OPCML: variants seen among roughly 807,000 people sequenced by gnomAD.
OPCML encodes the protein opioid binding protein/cell adhesion molecule like.
In OPCML, 13 loss-of-function variants were observed where a neutral mutation model predicts 37.8. The observed-to-expected ratio is 0.34, with a 90% confidence interval of 0.22 to 0.55. The LOEUF is 0.55. Ranked by LOEUF, OPCML falls within the 20% of genes least tolerant of loss-of-function variation. The pLI is 0.91. For missense variants in OPCML, 341 were observed against 435.6 expected, an observed-to-expected ratio of 0.78 and a Z score of 1.93; for synonymous variants, 176 against 168.8, an observed-to-expected ratio of 1.04 and a Z score of -0.33.
At chr11:132,822,779 C>A (rs1228561986) in intron 2 of OPCML, among the ~76,000 whole-genome samples, 1 of 152,154 alleles carries the variant, frequency 6.6e-6, no homozygotes, top group Non-Finnish European at 1.5e-5. Context: ...ACCTGAGGAG[C>A]AGCTCAGCAT....
chr11:133,178,277 G>A lies in OPCML; in HGVS notation c.62-235267C>T, dbSNP rs1592077008. ...CTCATGGTTCAGGCAAAGGTCAGAG[G>A]GTGTGAGTACCACTGTGTGTGCGTT... On this transcript the variant is annotated intron_variant, in intron 1 of 7. Transcript: ENST00000524381. Among the ~76,000 whole-genome samples the A allele has an allele frequency of 2.0e-5, 3 of 152,022 alleles. No individual in the cohort carries two copies. The South Asian group carries it at 6.2e-4, about 32-fold the overall frequency.
At chr11:133,379,795 C>A (rs542841159) in intron 1 of OPCML, among the ~76,000 whole-genome samples, 5 of 152,294 alleles carry the variant, frequency 3.3e-5, no homozygotes, top group African/African-American at 9.6e-5. Context: ...CCACAGTGTA[C>A]AATAACATTA....
At position 132,569,930 on chromosome 11, in the gene OPCML, A is replaced by T. The variant is rs114544611; in HGVS notation, c.380-40744T>A. On this transcript the variant is annotated intron_variant, in intron 3 of 7. Coordinates refer to ENST00000524381, the MANE Select transcript of OPCML (RefSeq NM_001012393.5). ...CAAATTTCACCACCCAGAGGCCTTG[A>T]TCCTAAATGATGCATTCAGTGAAAA... Among the ~76,000 whole-genome samples, 885 of 151,926 alleles carry T rather than the reference A, an allele frequency of 5.8e-3. 11 individuals are homozygous for T. Among genetic ancestry groups the T allele is most frequent in the African/African-American group, 0.02 (822 of 41,448 alleles).
chr11:132,852,301 T>G (rs965723430), intron 2 of OPCML, among the ~76,000 whole-genome samples: 1 of 152,194 alleles, frequency 6.6e-6, no homozygotes, highest in African/African-American at 2.4e-5. Flanking sequence ...TTTCTCCGTT[T>G]GATCTCATTT....
chr11:132,891,071 T>C (rs1943628450), intron 2 of OPCML, among the ~76,000 whole-genome samples: 1 of 152,116 alleles, frequency 6.6e-6, no homozygotes, highest in African/African-American at 2.4e-5. Context: ...CAAAGTTATT[T>C]ACCTTAAGAG....
intron 4 of OPCML, among the ~76,000 whole-genome samples, chr11:132,459,283 G>C (rs994477153): frequency 2.0e-5 from 3 of 151,876 alleles, no homozygotes; most frequent in Non-Finnish European, 4.4e-5. Flanking sequence ...CAGGCCTTTG[G>C]ACTCCAACTG....
intron 1 of OPCML, chr11:133,360,018 G>A (rs971408528): frequency 3.3e-5 from 5 of 152,150 alleles, no homozygotes; most frequent in African/African-American, 1.2e-4. Flanking sequence ...AATGAACACG[G>A]ATCCCAAGAT....
intron 2 of OPCML, among the ~76,000 whole-genome samples, chr11:132,732,686 A>C (rs938320273): frequency 6.6e-6 from 1 of 152,190 alleles, no homozygotes; most frequent in Admixed American, 6.5e-5. Flanking sequence ...ACCTGAAAGA[A>C]AGGCCCCAAA....
At chr11:132,722,492 A>G (rs1944709720) in intron 2 of OPCML, among the ~76,000 whole-genome samples, 1 of 152,152 alleles carries the variant, frequency 6.6e-6, no homozygotes, top group Admixed American at 6.5e-5. Context: ...TCTGCACTCC[A>G]GGGAGAGCCA....
At chr11:132,568,864 T>C (rs985418590) in intron 3 of OPCML, among the ~76,000 whole-genome samples, 6 of 152,216 alleles carry the variant, frequency 3.9e-5, no homozygotes, top group African/African-American at 1.4e-4. Flanking sequence ...TGTATGTTCC[T>C]TGAAAAAATA....
chr11:133,443,234 G>T (rs1392458290), intron 1 of OPCML, among the ~76,000 whole-genome samples: 1 of 152,146 alleles, frequency 6.6e-6, no homozygotes, highest in Non-Finnish European at 1.5e-5. Context: ...GCTTGAAAGA[G>T]CCCCAACCAA....
chr11:133,205,131 G>C lies in OPCML; in HGVS notation c.62-262121C>G, dbSNP rs1378885433. 6.6e-6 allele frequency among the ~76,000 whole-genome samples: 1 copy of C among 151,850 alleles called. No homozygotes were observed. Among genetic ancestry groups the C allele is most frequent in the Non-Finnish European group, 1.5e-5 (1 of 67,972 alleles). ...CCCTCTTCTTCCTGGGAGGGGAGATGAGGTGAAGGTTGAGTTGCTCACCAA... is the reference window on the plus strand; with the variant it reads ...CCCTCTTCTTCCTGGGAGGGGAGATCAGGTGAAGGTTGAGTTGCTCACCAA... On this transcript the variant is annotated intron_variant, in intron 1 of 7. Transcript: ENST00000524381. The surrounding 1 kb of genome is among the most constrained non-coding windows in gnomAD (Gnocchi z 4.8).
Position 132,943,231 on chromosome 11 carries a change from A to G in OPCML, c.62-221T>C. The G allele has an allele frequency of 7.6e-7, 1 of 1,308,408 alleles. No individual in the cohort carries two copies. The highest frequency in any genetic ancestry group is 1.5e-5 in the African/African-American group (1 of 67,800). 81.0% of individuals were successfully genotyped at this position (1,308,408 alleles called of 1,614,324 possible). Reference sequence around the variant, plus strand: ...CCAGGAGCAGGGGGAAGGAGAAGAGAGGAGTCCGGGCTCTCCGGAGTCTGA... The same window carrying G: ...CCAGGAGCAGGGGGAAGGAGAAGAGGGGAGTCCGGGCTCTCCGGAGTCTGA... On this transcript the variant is annotated intron_variant, in intron 1 of 7. Coordinates refer to ENST00000524381, the MANE Select transcript of OPCML (RefSeq NM_001012393.5). The surrounding 1 kb of genome is among the most constrained non-coding windows in gnomAD (Gnocchi z 4.3).
At chr11:132,522,202 G>T (rs979052342) in intron 4 of OPCML, among the ~76,000 whole-genome samples, 1 of 152,126 alleles carries the variant, frequency 6.6e-6, no homozygotes, top group Non-Finnish European at 1.5e-5. Context: ...TGGTGTGATT[G>T]TACCACAGTT....
chr11:132,744,882 G>A (rs1279975535), intron 2 of OPCML, among the ~76,000 whole-genome samples: 5 of 152,224 alleles, frequency 3.3e-5, no homozygotes, highest in Non-Finnish European at 7.3e-5. Flanking sequence ...CAACATTCAC[G>A]AGCAAGCTCG....
At chr11:133,367,034 T>C (rs1332487436) in intron 1 of OPCML, among the ~76,000 whole-genome samples, 3 of 152,128 alleles carry the variant, frequency 2.0e-5, no homozygotes, top group East Asian at 3.9e-4. Context: ...TGGAGTGCAG[T>C]GGTGCGGTGT....
chr11:133,312,634 G>T (rs1943092176), intron 1 of OPCML, among the ~76,000 whole-genome samples: 1 of 152,166 alleles, frequency 6.6e-6, no homozygotes, highest in Non-Finnish European at 1.5e-5. Context: ...AAAGTGTATT[G>T]TCTCAAGATT....
intron 4 of OPCML, among the ~76,000 whole-genome samples, chr11:132,467,496 C>A (rs955171895): frequency 3.3e-5 from 5 of 152,216 alleles, no homozygotes; most frequent in Non-Finnish European, 7.3e-5. Flanking sequence ...TAATTATATT[C>A]CACCTTGTTT....
At chr11:132,935,166 T>A (rs1266999313) in intron 2 of OPCML, among the ~76,000 whole-genome samples, 1 of 151,780 alleles carries the variant, frequency 6.6e-6, no homozygotes, top group African/African-American at 2.4e-5. Context: ...AGCTACATAT[T>A]TTAAAATTAA....
Sources: gnomAD v4.1 joint callset for allele counts (sites outside exome capture counted in the v4.1 genomes callset) on GRCh38, gnomAD v4.1.1 for gene constraint, Gnocchi (gnomAD v3.1) non-coding constraint, MANE v1.5 for transcripts, NCBI Gene and HGNC (gene_info 2026-07-23, HGNC 2026-07-21) for gene names.